The following DNAH9 variants were observed in gnomAD, a reference collection of about 807,000 sequenced individuals.
DNAH9 encodes the protein dynein axonemal heavy chain 9.
In DNAH9, 345 loss-of-function variants were observed where a neutral mutation model predicts 471.6. The ratio of observed to expected loss-of-function variants is 0.73; its 90% CI spans 0.67 to 0.80. The LOEUF is 0.80. Ranked by LOEUF, DNAH9 falls within the 30% of genes least tolerant of loss-of-function variation. The probability of loss-of-function intolerance (pLI) is 0.00; values close to 1 mark genes in which losing one functional copy is unlikely to be tolerated. For missense variants in DNAH9, 5,407 were observed against 5,609.2 expected (o/e 0.96, Z 1.15); for synonymous variants, 2,093 against 2,123.6 (o/e 0.99, Z 0.40).
At chr17:11,674,227 C>A (rs1295028814) in intron 17 of DNAH9, among the ~76,000 whole-genome samples, 1 of 152,150 alleles carries the variant, frequency 6.6e-6, no homozygotes, top group Non-Finnish European at 1.5e-5. Flanking sequence ...AATGGGCAAG[C>A]ATTCCTCTAG....
chr17:11,789,717 C>T (rs577937339), intron 41 of DNAH9, among the ~76,000 whole-genome samples: 6 of 151,684 alleles, frequency 4.0e-5, no homozygotes, highest in African/African-American at 1.2e-4. Context: ...ATTTTTATTC[C>T]TACTTACCTT....
At chr17:11,956,008 CACAGGCCAACCTTGCTAGCA>C (rs1291604610) in intron 67 of DNAH9, among the ~76,000 whole-genome samples, 1 of 152,206 alleles carries the variant, frequency 6.6e-6, no homozygotes, top group Non-Finnish European at 1.5e-5. Flanking sequence ...AGATGCCAGC[CACAGGCCAACCTTGCTAGCA>C]GGCATTTCTA....
At chr17:11,861,124 C>A (rs1345806293) in intron 50 of DNAH9, among the ~76,000 whole-genome samples, 4 of 151,940 alleles carry the variant, frequency 2.6e-5, no homozygotes, top group Admixed American at 2.6e-4. Flanking sequence ...GCGCTGCACC[C>A]ACTAACTCGT....
chr17:11,680,109 A>G, intron 18 of DNAH9, 130 bp downstream of exon 18: 1 of 698,502 alleles, frequency 1.4e-6, no homozygotes, highest in Non-Finnish European at 2.4e-6. Flanking sequence ...TTGGAACTAT[A>G]ATGTGTAGCG....
At chr17:11,710,386 T>G (rs2074808543) in intron 26 of DNAH9, among the ~76,000 whole-genome samples, 1 of 152,196 alleles carries the variant, frequency 6.6e-6, no homozygotes, top group South Asian at 2.1e-4. Context: ...TTAGGATAGA[T>G]TCCAAGAAGC....
chr17:11,613,958 C>G (rs2072689556), intron 4 of DNAH9, among the ~76,000 whole-genome samples: 1 of 152,084 alleles, frequency 6.6e-6, no homozygotes, highest in Non-Finnish European at 1.5e-5. Context: ...GATTCACTTC[C>G]CCAGGTGAGC....
chr17:11,728,886 G>C (rs2075205828), intron 28 of DNAH9, among the ~76,000 whole-genome samples: 1 of 152,172 alleles, frequency 6.6e-6, no homozygotes, highest in Non-Finnish European at 1.5e-5. Flanking sequence ...TTGTCCATGG[G>C]TAGACTTTTG....
chr17:11,910,111 T>C (rs1033746941), intron 61 of DNAH9, among the ~76,000 whole-genome samples: 1 of 151,964 alleles, frequency 6.6e-6, no homozygotes, highest in Non-Finnish European at 1.5e-5. Flanking sequence ...AAAAATTAGC[T>C]GGGCATGGTG....
chr17:11,904,835 A>G (rs1020121780), intron 60 of DNAH9, among the ~76,000 whole-genome samples: 7 of 152,074 alleles, frequency 4.6e-5, no homozygotes, highest in Non-Finnish European at 2.9e-5. Flanking sequence ...TCAGATGTTC[A>G]ATAAGTGGTT....
intron 19 of DNAH9, among the ~76,000 whole-genome samples, chr17:11,686,253 C>G (rs1402702800): frequency 6.6e-6 from 1 of 152,170 alleles, no homozygotes; most frequent in East Asian, 1.9e-4. Context: ...ACATCTGGGT[C>G]AGGCCTGAAT....
chr17:11,725,217 G>T (rs1488757107), intron 27 of DNAH9, among the ~76,000 whole-genome samples: 1 of 152,174 alleles, frequency 6.6e-6, no homozygotes, highest in African/African-American at 2.4e-5. Flanking sequence ...AGAGGCTGGG[G>T]ACCCCTGATT....
At chr17:11,861,936 A>G (rs1274544287) in intron 50 of DNAH9, among the ~76,000 whole-genome samples, 1 of 151,386 alleles carries the variant, frequency 6.6e-6, no homozygotes, top group East Asian at 1.9e-4. Flanking sequence ...TTGTCAGATG[A>G]GTAGGTTGCA....
chr17:11,822,222 T>C (rs1970332455), intron 46 of DNAH9, among the ~76,000 whole-genome samples, 160 bp downstream of exon 46: 1 of 152,190 alleles, frequency 6.6e-6, no homozygotes, highest in South Asian at 2.1e-4. Context: ...GACACCCTTC[T>C]CATCTGCTTT....
chr17:11,651,398 A>T (rs915301684), intron 13 of DNAH9, 74 bp downstream of exon 13: 3 of 1,433,512 alleles, frequency 2.1e-6, no homozygotes, highest in African/African-American at 2.8e-5. Flanking sequence ...AGAACCTCCA[A>T]TTATTCCCTG....
chr17:11,925,241 G>A (rs1301223837), intron 62 of DNAH9: 2 of 449,706 alleles, frequency 4.4e-6, no homozygotes, highest in Non-Finnish European at 8.9e-6. Flanking sequence ...AAGGCCGGTG[G>A]GTCAAGGAAT....
At chr17:11,621,429 G>C (rs1387415809) in intron 6 of DNAH9, among the ~76,000 whole-genome samples, 1 of 112,742 alleles carries the variant, frequency 8.9e-6, no homozygotes, top group Admixed American at 9.8e-5. Flanking sequence ...AAAAAAAAAA[G>C]ACAAGAGCCA....
intron 50 of DNAH9, among the ~76,000 whole-genome samples, chr17:11,863,451 A>G (rs555087258): frequency 1.3e-5 from 2 of 152,278 alleles, no homozygotes; most frequent in Admixed American, 1.3e-4. Context: ...TTTTGCATCC[A>G]TGTTCATCAA....
chr17:11,861,119 G>A (rs898331206), intron 50 of DNAH9, among the ~76,000 whole-genome samples: 1 of 151,412 alleles, frequency 6.6e-6, no homozygotes, highest in African/African-American at 2.4e-5. Flanking sequence ...CTGGTGCGCT[G>A]CACCCACTAA....
intron 60 of DNAH9, among the ~76,000 whole-genome samples, chr17:11,905,124 C>T (rs534176039): frequency 1.4e-4 from 21 of 151,758 alleles, no homozygotes; most frequent in Non-Finnish European, 2.9e-4. Context: ...GTCCCAGCTA[C>T]TCGGGAGGCT....
Sources: gnomAD v4.1 joint callset for allele counts (sites outside exome capture counted in the v4.1 genomes callset) on GRCh38, gnomAD v4.1.1 for gene constraint, MANE v1.5 for transcripts, NCBI Gene and HGNC (gene_info 2026-07-23, HGNC 2026-07-21) for gene names.